Variants in RGS7 observed in about 807,000 individuals in gnomAD.
RGS7 encodes the protein regulator of G-protein signaling 7.
A neutral mutation model predicts 81.1 loss-of-function variants in RGS7; 27 were observed. The observed-to-expected ratio is 0.33, with a 90% confidence interval of 0.25 to 0.46. The LOEUF (loss-of-function observed/expected upper bound fraction) is 0.46, where lower values mean the gene tolerates loss of function less well. Among genes scored for constraint, RGS7 ranks in the 20% least tolerant of loss-of-function variants. The pLI is 1.00. For missense variants in RGS7, 396 were observed against 607.4 expected (o/e 0.65, Z 3.66); for synonymous variants, 208 against 207.7 (o/e 1.00, Z -0.01).
intron 2 of RGS7, among the ~76,000 whole-genome samples, chr1:241,231,436 C>T (rs545683349): frequency 6.6e-6 from 1 of 152,250 alleles, no homozygotes; most frequent in South Asian, 2.1e-4. Context: ...CCATGCCTGG[C>T]TAATTTTTGT....
chr1:240,933,375 C>G (rs947859166), intron 5 of RGS7, among the ~76,000 whole-genome samples: 1 of 152,002 alleles, frequency 6.6e-6, no homozygotes. Context: ...TTCTCAACTG[C>G]ATTCTTATAT....
chr1:241,091,547 CAATA>C (rs371664255), intron 3 of RGS7, among the ~76,000 whole-genome samples: 52,630 of 128,802 alleles, frequency 0.41, 10,900 homozygotes, highest in African/African-American at 0.44. Context: ...GACTCTGTCT[CAATA>C]AATAAATAAA....
intron 2 of RGS7, among the ~76,000 whole-genome samples, chr1:241,110,110 G>A (rs142166387): frequency 6.6e-6 from 1 of 152,248 alleles, no homozygotes; most frequent in East Asian, 1.9e-4. Context: ...TAAACATTCT[G>A]TATAATTGCT....
chr1:240,817,906 G>A lies in RGS7; in HGVS notation c.685-1491C>T, dbSNP rs370153099. The stretch of plus-strand genomic sequence containing the variant: ...GCGTGAGCCACCGCGCCTGGCCTCC[G>A]TCCTTTTTTTGGTGCTCTTATCCTT... On this transcript the variant is annotated intron_variant, in intron 10 of 18. Transcript: ENST00000440928. Among the ~76,000 whole-genome samples, 76 of 152,060 alleles carry A rather than the reference G, an allele frequency of 5.0e-4. No individual in the cohort carries two copies. The East Asian group carries it at 6.6e-3, about 13-fold the overall frequency.
At chr1:241,220,979 A>AGAG (rs1379234576) in intron 2 of RGS7, among the ~76,000 whole-genome samples, 10 of 79,570 alleles carry the variant, frequency 1.3e-4, no homozygotes, top group Non-Finnish European at 2.4e-4. Flanking sequence ...GGAAGGAAGG[A>AGAG]AGGAAGGAAG....
chr1:241,201,979 A>C (rs2073533641), intron 2 of RGS7, among the ~76,000 whole-genome samples: 1 of 131,614 alleles, frequency 7.6e-6, no homozygotes, highest in African/African-American at 3.1e-5. Context: ...TCAGCCCACT[A>C]CCTCAACCCT....
chr1:241,011,922 C>T (rs920326784), intron 3 of RGS7, among the ~76,000 whole-genome samples: 4 of 152,090 alleles, frequency 2.6e-5, no homozygotes, highest in East Asian at 1.9e-4. Flanking sequence ...CTTTTGGCAA[C>T]GCCCTACTCT....
intron 1 of RGS7, among the ~76,000 whole-genome samples, 176 bp from the exon 2 acceptor site, chr1:241,356,002 G>A (rs1343533210): frequency 6.6e-6 from 1 of 152,182 alleles, no homozygotes; most frequent in Non-Finnish European, 1.5e-5. Flanking sequence ...TAACCTCAAG[G>A]AATTGTAAGA....
At chr1:240,840,978 G>A (rs1459255637) in intron 9 of RGS7, among the ~76,000 whole-genome samples, 1 of 152,188 alleles carries the variant, frequency 6.6e-6, no homozygotes, top group Non-Finnish European at 1.5e-5. Flanking sequence ...GCTTGAGAAT[G>A]TTGGTACCTA....
At chr1:241,245,146 G>A (rs2148168046) in intron 2 of RGS7, among the ~76,000 whole-genome samples, 1 of 152,262 alleles carries the variant, frequency 6.6e-6, no homozygotes, top group African/African-American at 2.4e-5. Flanking sequence ...CTGTAAAAAT[G>A]CAAGGTGATA....
chr1:241,298,838 C>G (rs2079570484), intron 2 of RGS7, among the ~76,000 whole-genome samples: 1 of 152,320 alleles, frequency 6.6e-6, no homozygotes, highest in Admixed American at 6.5e-5. Flanking sequence ...CCAGCATCTC[C>G]TGGACTAAGA....
chr1:241,241,935 T>G (rs1239052952), intron 2 of RGS7, among the ~76,000 whole-genome samples: 2 of 88,712 alleles, frequency 2.3e-5, no homozygotes, highest in Non-Finnish European at 4.8e-5. Flanking sequence ...ACTCTCTTTT[T>G]GTGTTTTTTT....
At chr1:240,890,078 C>T (rs1356799160) in intron 6 of RGS7, among the ~76,000 whole-genome samples, 1 of 152,166 alleles carries the variant, frequency 6.6e-6, no homozygotes, top group Non-Finnish European at 1.5e-5. Flanking sequence ...GTACTCAGTC[C>T]TGCAAAACGG....
chr1:241,266,200 A>T, intron 2 of RGS7, among the ~76,000 whole-genome samples: 1 of 152,208 alleles, frequency 6.6e-6, no homozygotes, highest in East Asian at 1.9e-4. Flanking sequence ...GTCACAAAAA[A>T]ATCAGAACGA....
chr1:241,140,429 CTATT>C (rs1218617426), intron 2 of RGS7, among the ~76,000 whole-genome samples: 1 of 152,268 alleles, frequency 6.6e-6, no homozygotes, highest in East Asian at 1.9e-4. Context: ...TTCTTTTTAA[CTATT>C]TATTTATTTA....
intron 2 of RGS7, among the ~76,000 whole-genome samples, chr1:241,127,306 T>C (rs1443217807): frequency 6.6e-6 from 1 of 152,200 alleles, no homozygotes; most frequent in Non-Finnish European, 1.5e-5. Context: ...CATATATTAG[T>C]GATAAAGCAC....
At chr1:240,932,917 T>C (rs372055250) in intron 5 of RGS7, among the ~76,000 whole-genome samples, 5,512 of 87,038 alleles carry the variant, frequency 0.063, 8 homozygotes, top group South Asian at 0.11. Flanking sequence ...AGAGTCTCGC[T>C]CTGTCGCCCA....
At chr1:241,285,093 A>C (rs2078736538) in intron 2 of RGS7, among the ~76,000 whole-genome samples, 1 of 151,932 alleles carries the variant, frequency 6.6e-6, no homozygotes, top group South Asian at 2.1e-4. Context: ...GATGGTCTCG[A>C]TCTCCTGACT....
At chr1:241,181,239 T>C (rs1013253191) in intron 2 of RGS7, among the ~76,000 whole-genome samples, 2 of 152,152 alleles carry the variant, frequency 1.3e-5, no homozygotes. Flanking sequence ...TGTAGGTTCA[T>C]TAATTGAAAA....
Sources: allele counts gnomAD v4.1 joint callset (sites outside exome capture counted in the v4.1 genomes callset), GRCh38; gene constraint gnomAD v4.1.1; transcripts MANE v1.5; gene names NCBI Gene and HGNC (gene_info 2026-07-23, HGNC 2026-07-21).